COL28A1: variants seen among roughly 807,000 people sequenced by gnomAD.
The protein encoded by COL28A1 is collagen alpha-1(XXVIII) chain.
In COL28A1, 161 loss-of-function variants were observed where a neutral mutation model predicts 150.2. That is an observed-to-expected ratio of 1.07 (90% CI 0.94 to 1.22). COL28A1 has a LOEUF of 1.22. COL28A1 is among the 50% of genes most tolerant of loss of function. COL28A1 has a pLI of 0.00. For missense variants in COL28A1, 1,617 were observed against 1,388.3 expected (o/e 1.16, Z -2.62); for synonymous variants, 552 against 469.7 (o/e 1.18, Z -2.26).
intron 12 of COL28A1, 151 bp from the exon 13 acceptor site, chr7:7,489,608 A>G (rs746269645): frequency 2.4e-5 from 15 of 620,238 alleles, no homozygotes; most frequent in Non-Finnish European, 4.3e-5. Context: ...AGGAAGAGAA[A>G]TAGCTCGAAT....
In COL28A1 at chr7:7,531,749, C is replaced by A. The variant is rs768048997; in HGVS notation, c.280G>T (p.Ala94Ser). The change falls in exon 3 of 35, where the codon GCA becomes TCA. Residue 94 changes from alanine to serine, a missense_variant. By Grantham distance (99) the Ala-to-Ser change is moderately conservative (BLOSUM62 1). Coordinates refer to ENST00000399429, the MANE Select transcript of COL28A1 (RefSeq NM_001037763.3). The stretch of plus-strand genomic sequence containing the variant: ...ACAGAGCTGCTAAACTGAAGGGCTG[C>A]CAGTTTGATGTCATATTCCAAGGAG... Reference protein sequence around the residue: ...GRSLEYDIKLAALQFSSSVQI... With the variant: ...GRSLEYDIKLSALQFSSSVQI... The A allele has an allele frequency of 1.2e-6, 2 of 1,608,846 alleles. No homozygotes were observed. The highest frequency in any genetic ancestry group is 1.1e-5 in the South Asian group (1 of 90,958).
At chr7:7,537,809 T>C (rs1282632714), upstream of COL28A1, among the ~76,000 whole-genome samples, 1 of 152,116 alleles carries the variant, frequency 6.6e-6, no homozygotes, top group African/African-American at 2.4e-5. Flanking sequence ...TGATAGCCTA[T>C]GGGTGTTAGT....
chr7:7,443,008 C>T (rs554283718), intron 20 of COL28A1, among the ~76,000 whole-genome samples: 1 of 148,920 alleles, frequency 6.7e-6, no homozygotes, highest in African/African-American at 2.5e-5. Flanking sequence ...GCACTCCAGC[C>T]TGTGGGACAG....
At chr7:7,499,919 T>G (rs754195996) in intron 11 of COL28A1, among the ~76,000 whole-genome samples, 10 of 152,196 alleles carry the variant, frequency 6.6e-5, no homozygotes, top group Non-Finnish European at 1.2e-4. Flanking sequence ...AATACTGGCA[T>G]AGAAAATGTA....
At chr7:7,460,028 C>T (rs1787484226) in intron 15 of COL28A1, among the ~76,000 whole-genome samples, 1 of 152,216 alleles carries the variant, frequency 6.6e-6, no homozygotes, top group East Asian at 1.9e-4. Context: ...AGATGAGATT[C>T]ATTAAATACT....
chr7:7,371,545 C>T (rs569812226), intron 32 of COL28A1, among the ~76,000 whole-genome samples: 1 of 152,228 alleles, frequency 6.6e-6, no homozygotes. Flanking sequence ...TGCCCAGCCA[C>T]ATCAGACTCC....
intron 18 of COL28A1, among the ~76,000 whole-genome samples, chr7:7,445,058 C>T (rs1432897320): frequency 3.9e-5 from 6 of 152,150 alleles, no homozygotes; most frequent in African/African-American, 1.4e-4. Flanking sequence ...GCTTCCCCTT[C>T]ACCTTTTGCC....
At chr7:7,424,084 C>T (rs114667627) in intron 25 of COL28A1, among the ~76,000 whole-genome samples, 3,367 of 146,052 alleles carry the variant, frequency 0.023, 106 homozygotes, top group African/African-American at 0.076. Context: ...TTTCAAACTA[C>T]GGGAAAATAA....
chr7:7,382,310 C>CAA (rs558127821), intron 27 of COL28A1, among the ~76,000 whole-genome samples: 4 of 136,906 alleles, frequency 2.9e-5, no homozygotes, highest in Non-Finnish European at 6.3e-5. Context: ...AACTCTATCT[C>CAA]AAAAAAAAAA....
rs1232423990 is a variant in COL28A1 at position 7,358,517 on chromosome 7, T to A, written c.*116A>T. The A allele has an allele frequency of 2.2e-6, 2 of 916,522 alleles. No individual in the cohort carries two copies. Among genetic ancestry groups the A allele is most frequent in the Non-Finnish European group, 3.4e-6 (2 of 592,322 alleles). The allele number at this position is 916,522 out of a possible 1,614,324, so 56.8% of individuals were successfully genotyped here. The stretch of plus-strand genomic sequence containing the variant: ...GGGCTGTAGTGAGAATTCAATTACA[T>A]GTATAAGTTGTAAATACTCAGTATA... On this transcript the variant is annotated 3_prime_UTR_variant, in exon 35 of 35. Coordinates refer to ENST00000399429, the MANE Select transcript of COL28A1 (RefSeq NM_001037763.3).
At chr7:7,437,508 C>T in intron 21 of COL28A1, 46 bp from the exon 22 acceptor site, 1 of 1,585,094 alleles carries the variant, frequency 6.3e-7, no homozygotes, top group Non-Finnish European at 8.6e-7. Flanking sequence ...AGAGAAAGCA[C>T]ATATAGAGAC....
chr7:7,357,792 T>C (rs890900450), downstream of COL28A1: 1 of 152,110 alleles, frequency 6.6e-6, no homozygotes, highest in African/African-American at 2.4e-5. Flanking sequence ...TCTCCATTAC[T>C]CGCATTTCAA....
chr7:7,402,550 A>G (rs1011136243), intron 27 of COL28A1, among the ~76,000 whole-genome samples: 7 of 152,236 alleles, frequency 4.6e-5, no homozygotes, highest in African/African-American at 1.7e-4. Context: ...CTAGGGAGAT[A>G]CAGTTCTCAC....
chr7:7,390,421 G>C (rs989110274), intron 27 of COL28A1, among the ~76,000 whole-genome samples: 5 of 152,104 alleles, frequency 3.3e-5, no homozygotes, highest in Non-Finnish European at 5.9e-5. Context: ...TTTTTGCATT[G>C]ATGTTCATCA....
downstream of COL28A1, among the ~76,000 whole-genome samples, chr7:7,355,589 C>T (rs112163230): frequency 0.022 from 3,390 of 152,060 alleles, 119 homozygotes; most frequent in African/African-American, 0.077. Flanking sequence ...CTCTGGGCAA[C>T]AGAGCAACAC....
chr7:7,375,701 C>T (rs952769457), intron 30 of COL28A1, among the ~76,000 whole-genome samples: 1 of 152,154 alleles, frequency 6.6e-6, no homozygotes, highest in African/African-American at 2.4e-5. Flanking sequence ...AACTTAACAG[C>T]TGAGACTTTT....
downstream of COL28A1, among the ~76,000 whole-genome samples, chr7:7,354,032 T>A (rs1389548360): frequency 6.6e-6 from 1 of 151,856 alleles, no homozygotes; most frequent in Non-Finnish European, 1.5e-5. Context: ...AAAAAAAATT[T>A]TTTTTTTTTG....
chr7:7,384,544 T>G (rs1307943060), intron 27 of COL28A1, among the ~76,000 whole-genome samples: 1 of 152,220 alleles, frequency 6.6e-6, no homozygotes, highest in African/African-American at 2.4e-5. Flanking sequence ...TTGTTCTATT[T>G]TATTATGTGT....
At chr7:7,447,031 T>C (rs1786316907) in intron 18 of COL28A1, among the ~76,000 whole-genome samples, 1 of 152,166 alleles carries the variant, frequency 6.6e-6, no homozygotes, top group Non-Finnish European at 1.5e-5. Flanking sequence ...ATAGTGCCTA[T>C]TTCTACTGGC....
Sources: gnomAD v4.1 joint callset for allele counts (sites outside exome capture counted in the v4.1 genomes callset) on GRCh38, gnomAD v4.1.1 for gene constraint, MANE v1.5 for transcripts, NCBI Gene and HGNC (gene_info 2026-07-23, HGNC 2026-07-21) for gene names.